GRID1: variants seen among roughly 807,000 people sequenced by gnomAD.
The protein encoded by GRID1 is glutamate receptor ionotropic, delta-1.
GRID1 carries 28 observed loss-of-function variants against 98.0 expected under a neutral mutation model. That is an observed-to-expected ratio of 0.29 (90% CI 0.21 to 0.39). The LOEUF (loss-of-function observed/expected upper bound fraction) is 0.39, where lower values mean the gene tolerates loss of function less well. GRID1 is among the 10% of genes least tolerant of loss of function. The pLI is 1.00. For missense variants in GRID1, 1,111 were observed against 1,340.5 expected (o/e 0.83, Z 2.67); for synonymous variants, 553 against 538.5 (o/e 1.03, Z -0.37).
At chr10:85,711,448 T>C (rs1841580971) in intron 12 of GRID1, among the ~76,000 whole-genome samples, 2 of 151,712 alleles carry the variant, frequency 1.3e-5, no homozygotes, top group Admixed American at 6.6e-5. Flanking sequence ...AGACAGAAAA[T>C]AGAATGGTGG....
intron 4 of GRID1, among the ~76,000 whole-genome samples, chr10:86,070,230 G>A (rs951268485): frequency 6.6e-6 from 1 of 152,208 alleles, no homozygotes; most frequent in Non-Finnish European, 1.5e-5. Flanking sequence ...GCTAACCAGA[G>A]GAGTAACAGC....
At chr10:85,811,492 CA>C (rs34938242) in intron 8 of GRID1, among the ~76,000 whole-genome samples, 1 of 151,788 alleles carries the variant, frequency 6.6e-6, no homozygotes, top group East Asian at 1.9e-4. Flanking sequence ...AAAAATTAAA[CA>C]AGAGATAGAT....
intron 2 of GRID1, among the ~76,000 whole-genome samples, chr10:86,329,114 G>A (rs372678241): frequency 1.4e-4 from 21 of 152,328 alleles, no homozygotes; most frequent in African/African-American, 4.1e-4. Context: ...ACAAATATCC[G>A]CCAGCATTGC....
chr10:86,273,576 T>C (rs1191729547), intron 2 of GRID1, among the ~76,000 whole-genome samples: 1 of 151,610 alleles, frequency 6.6e-6, no homozygotes, highest in Non-Finnish European at 1.5e-5. Flanking sequence ...CAGCACCTGT[T>C]GTTTCCTGAC....
Position 85,930,228 on chromosome 10 carries a change from C to T in GRID1, c.727-13989G>A, listed in dbSNP as rs891352982. Among the ~76,000 whole-genome samples, 6 of 146,946 alleles carry T rather than the reference C, an allele frequency of 4.1e-5. No homozygotes were observed. In the East Asian group the frequency reaches 6.0e-4, roughly 15 times the overall value. On this transcript the variant is annotated intron_variant, in intron 4 of 15. Transcript: ENST00000327946. Reference sequence around the variant, plus strand: ...GTTATTTTTAACTACAAATAACTTGCGGTTATTTTTAACTACAAATAACTT... The same window carrying T: ...GTTATTTTTAACTACAAATAACTTGTGGTTATTTTTAACTACAAATAACTT...
intron 8 of GRID1, among the ~76,000 whole-genome samples, chr10:85,808,436 C>T (rs951350530): frequency 5.3e-5 from 8 of 152,120 alleles, no homozygotes; most frequent in African/African-American, 1.7e-4. Context: ...TCCTATGACA[C>T]GTAACTAGCT....
intron 2 of GRID1, among the ~76,000 whole-genome samples, chr10:86,316,951 T>A (rs543626699): frequency 3.4e-4 from 52 of 152,332 alleles, no homozygotes; most frequent in African/African-American, 1.2e-3. Context: ...CTCAGCCCCT[T>A]CCCCAAGAGA....
chr10:86,115,931 T>C (rs1844569980), intron 4 of GRID1, among the ~76,000 whole-genome samples: 1 of 152,220 alleles, frequency 6.6e-6, no homozygotes. Flanking sequence ...TGTTTAGATA[T>C]ACATATACCA....
At chr10:86,145,570 A>C (rs998705317) in intron 3 of GRID1, among the ~76,000 whole-genome samples, 26 of 150,396 alleles carry the variant, frequency 1.7e-4, no homozygotes, top group Non-Finnish European at 3.1e-4. Flanking sequence ...ACACACACAC[A>C]CCCTCCCTCC....
chr10:85,759,704 G>A (rs543405704), intron 8 of GRID1, among the ~76,000 whole-genome samples: 1 of 152,302 alleles, frequency 6.6e-6, no homozygotes, highest in South Asian at 2.1e-4. Flanking sequence ...ATACTGATCT[G>A]CATAATTATG....
chr10:86,178,568 A>G (rs1166283734), intron 3 of GRID1, among the ~76,000 whole-genome samples: 4 of 152,186 alleles, frequency 2.6e-5, no homozygotes, highest in Non-Finnish European at 5.9e-5. Context: ...GGCACAAGAG[A>G]GCCCATGCGC....
At chr10:85,753,003 G>A (rs1042093843) in intron 8 of GRID1, among the ~76,000 whole-genome samples, 9 of 152,018 alleles carry the variant, frequency 5.9e-5, no homozygotes, top group East Asian at 1.9e-4. Context: ...CTTTTCCCTC[G>A]GGTATCTCAT....
chr10:86,066,870 A>T (rs541583858), intron 4 of GRID1, among the ~76,000 whole-genome samples: 17 of 152,326 alleles, frequency 1.1e-4, no homozygotes, highest in African/African-American at 3.8e-4. Context: ...CACAGCCCAG[A>T]ACGCTTGGTA....
At chr10:86,002,632 A>G (rs1320130063) in intron 4 of GRID1, among the ~76,000 whole-genome samples, 1 of 152,212 alleles carries the variant, frequency 6.6e-6, no homozygotes, top group Non-Finnish European at 1.5e-5. Context: ...ACTCAGCCAC[A>G]TGTCCTACAA....
intron 3 of GRID1, among the ~76,000 whole-genome samples, chr10:86,157,469 G>A (rs1354350209): frequency 3.3e-5 from 5 of 152,180 alleles, no homozygotes; most frequent in South Asian, 4.1e-4. Flanking sequence ...AGCACAAAAC[G>A]GTGCTGCCTA....
chr10:85,926,082 G>A (rs1008004423), intron 4 of GRID1, among the ~76,000 whole-genome samples: 1 of 152,074 alleles, frequency 6.6e-6, no homozygotes, highest in Admixed American at 6.5e-5. Flanking sequence ...TTTTAGTTCT[G>A]GAGATATAAG....
intron 4 of GRID1, among the ~76,000 whole-genome samples, chr10:86,015,581 G>A (rs1225101107): frequency 6.6e-6 from 1 of 152,334 alleles, no homozygotes; most frequent in South Asian, 2.1e-4. Context: ...GAAGTGGCAG[G>A]GCGAGTGGAA....
At position 85,723,108 on chromosome 10, in the gene GRID1, C is replaced by T. The variant is rs191266908; in HGVS notation, c.1892G>A (p.Arg631His). The T allele has an allele frequency of 8.1e-6, 13 of 1,611,006 alleles. No homozygotes were observed. Among genetic ancestry groups the T allele is most frequent in the African/African-American group, 2.7e-5 (2 of 74,992 alleles). The change falls in exon 12 of 16, where the codon CGC becomes CAC. Residue 631 changes from arginine (R) to histidine (H), a missense_variant. Arg to His is a conservative substitution (Grantham distance 29, BLOSUM62 0). Transcript: ENST00000327946. ...GAGCCACCAGCTGCCCATCACGATG[C>T]GCATGGCCATGGAGTTCACGGAAGA... ...GESSVNSMAM[R>H]IVMGSWWLFT... is the part of the protein sequence containing the mutation.
chr10:85,694,589 T>G (rs566708668), intron 12 of GRID1, among the ~76,000 whole-genome samples: 962 of 87,114 alleles, frequency 0.011, 16 homozygotes, highest in African/African-American at 0.053. Context: ...TATATATATA[T>G]ATATATATAT....
Sources: allele counts gnomAD v4.1 joint callset (sites outside exome capture counted in the v4.1 genomes callset), GRCh38; gene constraint gnomAD v4.1.1; transcripts MANE v1.5; gene names NCBI Gene and HGNC (gene_info 2026-07-23, HGNC 2026-07-21).